The following AOX1 variants were observed in gnomAD, a reference collection of about 807,000 sequenced individuals.
AOX1 encodes aldehyde oxidase.
In AOX1, 153 loss-of-function variants were observed where a neutral mutation model predicts 169.5. That is an observed-to-expected ratio of 0.90 (90% CI 0.79 to 1.03). AOX1 has a LOEUF of 1.03. Ranked by LOEUF, AOX1 falls within the 50% of genes least tolerant of loss-of-function variation. The pLI, the probability that AOX1 is intolerant of heterozygous loss-of-function variation, is 0.00. For synonymous variants in AOX1, 562 were observed against 581.9 expected (o/e 0.97, Z 0.49); for missense variants, 1,656 against 1,663.9 (o/e 1.00, Z 0.08).
intron 17 of AOX1, 82 bp from the exon 18 acceptor site, chr2:200,621,038 T>TC (rs1273897282): frequency 6.7e-7 from 1 of 1,484,210 alleles, no homozygotes; most frequent in Non-Finnish European, 9.1e-7. Flanking sequence ...AGTTCTTACC[T>TC]CTCTCATATC....
At chr2:200,588,623 T>C (rs185841976) in intron 1 of AOX1, among the ~76,000 whole-genome samples, 32 of 152,204 alleles carry the variant, frequency 2.1e-4, no homozygotes, top group Non-Finnish European at 2.9e-5. Context: ...GAAATTGTGT[T>C]AATCTTTCCC....
At chr2:200,656,052 C>T (rs2035675691) in intron 26 of AOX1, among the ~76,000 whole-genome samples, 1 of 152,162 alleles carries the variant, frequency 6.6e-6, no homozygotes, top group Non-Finnish European at 1.5e-5. Flanking sequence ...TGTGAAGAAA[C>T]CTAGCTGACC....
chr2:200,590,831 G>A (rs1052321041), intron 1 of AOX1, among the ~76,000 whole-genome samples: 1 of 152,146 alleles, frequency 6.6e-6, no homozygotes, highest in African/African-American at 2.4e-5. Flanking sequence ...TGAGGTTGGG[G>A]CAGAAGCTTT....
downstream of AOX1, among the ~76,000 whole-genome samples, chr2:200,672,376 C>T (rs1390932913): frequency 6.6e-6 from 1 of 152,184 alleles, no homozygotes; most frequent in Non-Finnish European, 1.5e-5. Context: ...AAGCCTGTCC[C>T]AATCAATGGC....
chr2:200,592,652 G>A (rs947023446), intron 1 of AOX1, among the ~76,000 whole-genome samples: 5 of 152,118 alleles, frequency 3.3e-5, no homozygotes, highest in African/African-American at 1.2e-4. Flanking sequence ...TTTGATTGGG[G>A]CCATGGCTGG....
intron 13 of AOX1, among the ~76,000 whole-genome samples, chr2:200,611,901 C>T (rs1439315446): frequency 2.0e-5 from 3 of 152,014 alleles, no homozygotes; most frequent in African/African-American, 4.8e-5. Context: ...GACGGGGTTT[C>T]GCCAAGTTGG....
chr2:200,624,116 A>G, intron 19 of AOX1, 133 bp downstream of exon 19: 1 of 1,063,908 alleles, frequency 9.4e-7, no homozygotes, highest in South Asian at 1.5e-5. Flanking sequence ...TTAACCTCTA[A>G]CCAGTCTCAG....
chr2:200,613,027 T>TGA (rs71022328), intron 14 of AOX1, among the ~76,000 whole-genome samples: 20 of 146,100 alleles, frequency 1.4e-4, no homozygotes, highest in South Asian at 4.4e-4. Flanking sequence ...TGTGTGTGTG[T>TGA]GAGAGAGAGA....
chr2:200,612,477 T>G, intron 13 of AOX1, 132 bp from the exon 14 acceptor site: 2 of 808,608 alleles, frequency 2.5e-6, no homozygotes, highest in Non-Finnish European at 4.1e-6. Flanking sequence ...ACACACACAC[T>G]ACCTGGTGTG....
intron 25 of AOX1, among the ~76,000 whole-genome samples, chr2:200,643,135 A>G (rs568167873): frequency 6.6e-6 from 1 of 150,778 alleles, no homozygotes; most frequent in Non-Finnish European, 1.5e-5. Flanking sequence ...CATCTCAGCC[A>G]GCTGTCAAAA....
intron 3 of AOX1, among the ~76,000 whole-genome samples, chr2:200,596,712 G>C (rs1057125736): frequency 6.6e-6 from 1 of 152,160 alleles, no homozygotes; most frequent in Non-Finnish European, 1.5e-5. Context: ...TCAGGGATGA[G>C]AGCAACTGTA....
At chr2:200,651,922 A>T (rs1185883845) in intron 26 of AOX1, among the ~76,000 whole-genome samples, 1 of 152,024 alleles carries the variant, frequency 6.6e-6, no homozygotes, top group South Asian at 2.1e-4. Context: ...GCAGCCGGGA[A>T]CCCCTATTAT....
At chr2:200,673,194 C>T (rs2036051869), downstream of AOX1, among the ~76,000 whole-genome samples, 1 of 152,182 alleles carries the variant, frequency 6.6e-6, no homozygotes, top group Non-Finnish European at 1.5e-5. Flanking sequence ...CAGCCATGGG[C>T]CCTCTTTCCC....
chr2:200,604,901 C>CG, intron 9 of AOX1, 61 bp downstream of exon 9: 23 of 613,212 alleles, frequency 3.8e-5, no homozygotes, highest in Non-Finnish European at 6.1e-5. Flanking sequence ...GGGATGGGGC[C>CG]GGGGTGGGCT....
downstream of AOX1, among the ~76,000 whole-genome samples, chr2:200,681,658 T>C (rs2036153560): frequency 1.3e-5 from 2 of 152,358 alleles, no homozygotes; most frequent in South Asian, 4.1e-4. Flanking sequence ...TATCCATTCC[T>C]ACTTAGCAGG....
At chr2:200,681,490 G>A (rs2036152438), downstream of AOX1, 1 of 152,656 alleles carries the variant, frequency 6.6e-6, no homozygotes, top group African/African-American at 2.4e-5. Context: ...ATCTTGAGTG[G>A]TAAGTCTCTA....
intron 22 of AOX1, among the ~76,000 whole-genome samples, chr2:200,637,399 C>T (rs957333237): frequency 2.0e-5 from 3 of 152,028 alleles, no homozygotes; most frequent in Admixed American, 6.6e-5. Context: ...TATATACATA[C>T]ACACATATAT....
intron 28 of AOX1, 146 bp from the exon 29 acceptor site, chr2:200,659,849 T>C: frequency 1.7e-6 from 1 of 594,972 alleles, no homozygotes; most frequent in Non-Finnish European, 2.9e-6. Context: ...TATGAAACCT[T>C]TCATATCACC....
downstream of AOX1, among the ~76,000 whole-genome samples, chr2:200,672,854 G>A (rs576618241): frequency 6.6e-6 from 1 of 152,282 alleles, no homozygotes; most frequent in South Asian, 2.1e-4. Context: ...GCATTACTGG[G>A]GAGACAAGGC....
Sources: allele counts gnomAD v4.1 joint callset (sites outside exome capture counted in the v4.1 genomes callset), GRCh38; gene constraint gnomAD v4.1.1; transcripts MANE v1.5; gene names NCBI Gene and HGNC (gene_info 2026-07-23, HGNC 2026-07-21).